KDM2B: variants seen among roughly 807,000 people sequenced by gnomAD.
The protein encoded by KDM2B is lysine demethylase 2B, also known as lysine-specific demethylase 2B.
In KDM2B, 26 loss-of-function variants were observed where a neutral mutation model predicts 150.0. The ratio of observed to expected loss-of-function variants is 0.17; its 90% CI spans 0.13 to 0.24. KDM2B has a LOEUF of 0.24. Ranked by LOEUF, KDM2B falls within the 10% of genes least tolerant of loss-of-function variation. KDM2B has a pLI of 1.00. For synonymous variants in KDM2B, 734 were observed against 729.5 expected (o/e 1.01, Z -0.10); for missense variants, 1,265 against 1,816.9 (o/e 0.70, Z 5.52).
In KDM2B at chr12:121,520,866, A is replaced by T; in HGVS notation, c.1047+119T>A. 2.3e-6 allele frequency: 1 copy of T among 428,400 alleles called. No individual in the cohort carries two copies. Among genetic ancestry groups the T allele is most frequent in the Non-Finnish European group, 4.4e-6 (1 of 225,380 alleles). The allele number at this position is 428,400 out of a possible 1,614,324, so 26.5% of individuals were successfully genotyped here. A position where few individuals can be genotyped will look rare whatever the true frequency, so the allele number is the denominator to read the frequency against. ...ACCAGGACTGAAGCCAGCTTGAGAG[A>T]GGAATCGGGAGGGAGAGGGGAACTG... On this transcript the variant is annotated intron_variant, in intron 9 of 22. Coordinates refer to ENST00000377071, the MANE Select transcript of KDM2B (RefSeq NM_032590.5). This position sits in a 1 kb window ranked among gnomAD's most constrained non-coding sequence, Gnocchi z 4.5.
intron 13 of KDM2B, among the ~76,000 whole-genome samples, chr12:121,450,809 C>T (rs373270320): frequency 1.3e-5 from 2 of 151,238 alleles, no homozygotes; most frequent in African/African-American, 2.4e-5. Context: ...TGCAGTGAGC[C>T]GAGATCGTGC....
intron 15 of KDM2B, 72 bp from the exon 16 acceptor site, chr12:121,444,344 C>CG (rs1230027540): frequency 1.9e-6 from 3 of 1,606,584 alleles, no homozygotes; most frequent in Admixed American, 1.7e-5. Flanking sequence ...CCTCCCCAGG[C>CG]CGACGGCAAC....
At chr12:121,577,824 C>G (rs77333506) in intron 2 of KDM2B, among the ~76,000 whole-genome samples, 8,145 of 152,266 alleles carry the variant, frequency 0.053, 279 homozygotes, top group Non-Finnish European at 0.083. Context: ...TACTAGGTTC[C>G]TCAACCAGGA....
chr12:121,416,087 G>T, the KDM2B span: 1 of 1,242,724 alleles, frequency 8.0e-7, no homozygotes, highest in Non-Finnish European at 1.2e-6. Context: ...CTCCAGAATA[G>T]CATTCCCTGA....
intron 22 of KDM2B, among the ~76,000 whole-genome samples, chr12:121,432,311 T>C (rs1873189439): frequency 6.6e-6 from 1 of 152,254 alleles, no homozygotes; most frequent in Non-Finnish European, 1.5e-5. Flanking sequence ...TAGAATGTTA[T>C]CATACAATTC....
intron 4 of KDM2B, among the ~76,000 whole-genome samples, chr12:121,560,953 C>T (rs931108615): frequency 2.0e-5 from 3 of 152,148 alleles, no homozygotes; most frequent in Non-Finnish European, 2.9e-5. Context: ...CTGGGGCTCT[C>T]GGGTTCCTGA....
Position 121,452,988 on chromosome 12 carries a change from G to A in KDM2B, c.1959+132C>T. The A allele has an allele frequency of 1.2e-6, 1 of 808,926 alleles. No homozygotes were observed. The highest frequency in any genetic ancestry group is 2.9e-5 in the East Asian group (1 of 34,922). The allele number at this position is 808,926 out of a possible 1,614,324, so 50.1% of individuals were successfully genotyped here. A position where few individuals can be genotyped will look rare whatever the true frequency, so the allele number is the denominator to read the frequency against. ...GCCAGCGCCTTCCCGTCCACAGGAA[G>A]AGCTCTCGGGGAGTCCACAGCCCCG... is the stretch of plus-strand genomic sequence containing the variant. On this transcript the variant is annotated intron_variant, in intron 13 of 22. Transcript: ENST00000377071. This position sits in a 1 kb window ranked among gnomAD's most constrained non-coding sequence, Gnocchi z 4.4.
chr12:121,443,126 G>A (rs939332186), intron 17 of KDM2B, 96 bp from the exon 18 acceptor site: 1 of 1,251,210 alleles, frequency 8.0e-7, no homozygotes, highest in African/African-American at 1.5e-5. Context: ...ACAGTCTCCA[G>A]AGGAGGGGCT....
chr12:121,411,518 T>G, the KDM2B span, among the ~76,000 whole-genome samples: 1 of 152,240 alleles, frequency 6.6e-6, no homozygotes, highest in African/African-American at 2.4e-5. Flanking sequence ...CCTAATTCAT[T>G]GTAAAACTAT....
chr12:121,486,085 T>C (rs1882722712), intron 12 of KDM2B, among the ~76,000 whole-genome samples: 1 of 150,900 alleles, frequency 6.6e-6, no homozygotes, highest in Non-Finnish European at 1.5e-5. Context: ...CCTGAAATGG[T>C]AACTTTTATG....
chr12:121,580,349 G>A (rs1475209367), intron 1 of KDM2B: 52 of 1,026,298 alleles, frequency 5.1e-5, no homozygotes, highest in Non-Finnish European at 5.8e-5. Context: ...GGGGGCTCTC[G>A]GCCCGGGCTT....
At chr12:121,562,015 T>G (rs1890373955) in intron 4 of KDM2B, among the ~76,000 whole-genome samples, 1 of 150,844 alleles carries the variant, frequency 6.6e-6, no homozygotes, top group Admixed American at 6.6e-5. Context: ...CTACTAAAAA[T>G]ACAAAAATTA....
intron 4 of KDM2B, among the ~76,000 whole-genome samples, chr12:121,552,581 G>A (rs565778868): frequency 1.8e-4 from 28 of 151,720 alleles, no homozygotes; most frequent in African/African-American, 5.8e-4. Flanking sequence ...GCTGAGGTAG[G>A]AGAATTGCTT....
rs1275335649 is a variant in KDM2B, at chr12:121,452,361, G to A, written c.1959+759C>T. Among the ~76,000 whole-genome samples the A allele has an allele frequency of 6.6e-6, 1 of 152,200 alleles. No individual in the cohort carries two copies. The highest frequency in any genetic ancestry group is 2.4e-5 in the African/African-American group (1 of 41,456). On this transcript the variant is annotated intron_variant, in intron 13 of 22. Coordinates refer to ENST00000377071, the MANE Select transcript of KDM2B (RefSeq NM_032590.5). The surrounding 1 kb of genome is among the most constrained non-coding windows in gnomAD (Gnocchi z 4.4). ...AGATGGCTGAGGTGTCTGGGCCTGC[G>A]GGGCATCGACAGCCAAGGAGGAAGG...
intron 4 of KDM2B, among the ~76,000 whole-genome samples, chr12:121,566,633 T>TA (rs1890725002): frequency 6.7e-6 from 1 of 148,836 alleles, no homozygotes; most frequent in African/African-American, 2.5e-5. Flanking sequence ...AATAAATAAA[T>TA]AAATAAATAA....
At chr12:121,530,177 G>A (rs1372206853) in intron 8 of KDM2B, among the ~76,000 whole-genome samples, 6 of 141,546 alleles carry the variant, frequency 4.2e-5, no homozygotes, top group East Asian at 2.1e-4. Flanking sequence ...GCAGTGAGCC[G>A]AGATTGCGCC....
chr12:121,571,517 G>T (rs1171974255), intron 4 of KDM2B, among the ~76,000 whole-genome samples: 3 of 152,170 alleles, frequency 2.0e-5, no homozygotes, highest in Middle Eastern at 3.4e-3. Flanking sequence ...TTGACTTGAG[G>T]TCAGGACCTC....
chr12:121,476,324 A>G (rs906934641), intron 12 of KDM2B, among the ~76,000 whole-genome samples: 2 of 151,920 alleles, frequency 1.3e-5, no homozygotes, highest in African/African-American at 2.4e-5. Context: ...CGAGCATGGT[A>G]GTATGCCTGT....
rs782606256 is a variant in KDM2B at position 121,468,087 on chromosome 12, G to C, written c.1735-14743C>G. 1 of 152,330 alleles carries C rather than the reference G, an allele frequency of 6.6e-6. No individual in the cohort carries two copies. The highest frequency in any genetic ancestry group is 2.1e-4 in the South Asian group (1 of 4,842). The allele number at this position is 152,330 out of a possible 1,614,324, so 9.4% of individuals were successfully genotyped here. ...TCAGAACGCCCTGACTCTACCCTGA[G>C]GTGGGCGCCCCCTCCCTTGGACAGG... is the stretch of plus-strand genomic sequence containing the variant. On this transcript the variant is annotated intron_variant, in intron 12 of 22. Coordinates refer to ENST00000377071, the MANE Select transcript of KDM2B (RefSeq NM_032590.5). The surrounding 1 kb of genome is among the most constrained non-coding windows in gnomAD (Gnocchi z 4.0).
Sources: allele counts gnomAD v4.1 joint callset (sites outside exome capture counted in the v4.1 genomes callset), GRCh38; gene constraint gnomAD v4.1.1; non-coding constraint Gnocchi (gnomAD v3.1); transcripts MANE v1.5; gene names NCBI Gene and HGNC (gene_info 2026-07-23, HGNC 2026-07-21).